CD81: variants seen among roughly 807,000 people sequenced by gnomAD.
CD81 encodes CD81 antigen.
In CD81, 10 loss-of-function variants were observed where a neutral mutation model predicts 30.1. The ratio of observed to expected loss-of-function variants is 0.33; its 90% CI spans 0.21 to 0.56. CD81 has a LOEUF of 0.56. Ranked by LOEUF, CD81 falls within the 20% of genes least tolerant of loss-of-function variation. CD81 has a pLI of 0.89. For synonymous variants in CD81, 147 were observed against 126.4 expected, an observed-to-expected ratio of 1.16 and a Z score of -1.10; for missense variants, 263 against 308.7, an observed-to-expected ratio of 0.85 and a Z score of 1.11.
chr11:2,385,489 G>A (rs1003424241), intron 1 of CD81, among the ~76,000 whole-genome samples: 3 of 151,418 alleles, frequency 2.0e-5, no homozygotes, highest in Non-Finnish European at 2.9e-5. Context: ...AGGCGCACCC[G>A]TGCCGTGGCC....
intron 1 of CD81, chr11:2,385,912 A>G (rs1849789318): frequency 1.5e-6 from 1 of 660,128 alleles, no homozygotes; most frequent in Admixed American, 2.1e-5. Flanking sequence ...TCTTGGGTAA[A>G]TACCTGTGCG....
chr11:2,394,945 C>T (rs1849969593), intron 3 of CD81, 27 bp from the exon 4 acceptor site: 5 of 1,608,380 alleles, frequency 3.1e-6, no homozygotes, highest in South Asian at 1.1e-5. Context: ...GCCCTCTTTC[C>T]TCCCTCTGGC....
intron 2 of CD81, chr11:2,393,596 C>T (rs1418576629): frequency 4.2e-6 from 2 of 478,194 alleles, no homozygotes; most frequent in Non-Finnish European, 7.6e-6. Context: ...TCTCGCACCA[C>T]ACTGGGGAGG....
intron 5 of CD81, 49 bp downstream of exon 5, chr11:2,395,569 C>T (rs371055890): frequency 7.3e-5 from 105 of 1,432,078 alleles, no homozygotes; most frequent in South Asian, 4.0e-4. Context: ...GGGAACCCGG[C>T]GGGGTGTGTC....
intron 1 of CD81, among the ~76,000 whole-genome samples, chr11:2,383,995 C>T (rs1233254126): frequency 6.6e-6 from 1 of 152,212 alleles, no homozygotes; most frequent in Non-Finnish European, 1.5e-5. Context: ...GGGAGCTGAC[C>T]TAGGCCTGCC....
intron 5 of CD81, 33 bp downstream of exon 5, chr11:2,395,553 G>A (rs1849983797): frequency 1.9e-6 from 3 of 1,552,088 alleles, no homozygotes; most frequent in Non-Finnish European, 2.7e-6. Flanking sequence ...CGGGGAGCAG[G>A]GCCCCGGGAA....
At chr11:2,392,490 C>T (rs1444524583) in intron 2 of CD81, 1 of 152,272 alleles carries the variant, frequency 6.6e-6, no homozygotes, top group African/African-American at 2.4e-5. Context: ...AGCCGCCCAC[C>T]CTCGGTCCTT....
rs573200069 is a variant in CD81, at chr11:2,394,200, A to G, written c.279+8A>G. On this transcript the variant is annotated splice_region_variant and intron_variant, in intron 3 of 7. Coordinates refer to ENST00000263645, the MANE Select transcript of CD81 (RefSeq NM_004356.4). Reference sequence around the variant, plus strand: ...CAGTGCCTGCTGGGGACGGTAAGGCAGGGAGGCGGGCCTGTGCCTGGGCCG... The same window carrying G: ...CAGTGCCTGCTGGGGACGGTAAGGCGGGGAGGCGGGCCTGTGCCTGGGCCG... 7.5e-6 allele frequency: 12 copies of G among 1,598,292 alleles called. No individual in the cohort carries two copies. The highest frequency in any genetic ancestry group is 2.7e-5 in the African/African-American group (2 of 74,682).
intron 1 of CD81, among the ~76,000 whole-genome samples, chr11:2,385,432 T>C (rs1849773879): frequency 6.6e-6 from 1 of 152,184 alleles, no homozygotes; most frequent in African/African-American, 2.4e-5. Flanking sequence ...AGAAGGCACT[T>C]GCACATCGTT....
intron 6 of CD81, 58 bp from the exon 7 acceptor site, chr11:2,396,570 C>T (rs369558875): frequency 5.9e-5 from 83 of 1,401,904 alleles, no homozygotes; most frequent in Non-Finnish European, 7.4e-5. Flanking sequence ...TGCGTGACAA[C>T]GGGAAGCCGG....
chr11:2,397,066 G>T lies in CD81; in HGVS notation c.*200G>T, dbSNP rs143793173. On this transcript the variant is annotated 3_prime_UTR_variant, in exon 8 of 8. Transcript: ENST00000263645. ...GGCTGACGTCACATGTAGGTGGCGTGTATGAGTGGAGACGGGCCTGGGTCT... is the reference window on the plus strand; with the variant it reads ...GGCTGACGTCACATGTAGGTGGCGTTTATGAGTGGAGACGGGCCTGGGTCT... 6 of 628,936 alleles carry T rather than the reference G, an allele frequency of 9.5e-6. No individual in the cohort carries two copies. The African/African-American group carries it at 1.1e-4, about 11-fold the overall frequency. The allele number at this position is 628,936 out of a possible 1,614,324, so 39.0% of individuals were successfully genotyped here.
chr11:2,388,438 CCCCTGCCCAA>C (rs202211972), intron 1 of CD81, among the ~76,000 whole-genome samples: 4,560 of 152,336 alleles, frequency 0.03, 242 homozygotes, highest in African/African-American at 0.1. Flanking sequence ...TGAGCACAGC[CCCCTGCCCAA>C]CCCCACCCTG....
chr11:2,389,192 G>T (rs1849851542), intron 1 of CD81, among the ~76,000 whole-genome samples: 1 of 152,164 alleles, frequency 6.6e-6, no homozygotes, highest in Admixed American at 6.5e-5. Flanking sequence ...GTCTGAAGGG[G>T]ACCCAGCCCC....
chr11:2,386,033 T>C (rs1002660128), intron 1 of CD81: 3 of 717,018 alleles, frequency 4.2e-6, no homozygotes, highest in South Asian at 1.5e-5. Flanking sequence ...GCCCCCGTTG[T>C]ATGCGTCCCA....
chr11:2,386,045 T>G (rs376740093), intron 1 of CD81: 6 of 717,178 alleles, frequency 8.4e-6, no homozygotes, highest in Non-Finnish European at 1.6e-5. Context: ...TGCGTCCCAG[T>G]TGCCTCCCCC....
chr11:2,394,318 C>T, intron 3 of CD81, 126 bp downstream of exon 3: 2 of 637,256 alleles, frequency 3.1e-6, no homozygotes, highest in Non-Finnish European at 5.5e-6. Flanking sequence ...GGCTCCTGTG[C>T]CCTGCTTTTC....
intron 1 of CD81, chr11:2,386,658 G>T: frequency 4.2e-6 from 3 of 715,032 alleles, no homozygotes; most frequent in Non-Finnish European, 7.8e-6. Flanking sequence ...TCTGCCCAGT[G>T]CCTGGCACTC....
Position 2,396,033 on chromosome 11 carries a change from A to G in CD81, c.561+63A>G, listed in dbSNP as rs997869262. On this transcript the variant is annotated intron_variant, in intron 6 of 7. Coordinates refer to ENST00000263645, the MANE Select transcript of CD81 (RefSeq NM_004356.4). ...ATGTCCCGCCCCTGGGTGGGGTCCT[A>G]GGGGTGGGCAGGTCACACGGCAGCC... 1.3e-5 allele frequency: 12 copies of G among 900,770 alleles called. No homozygotes were observed. In the African/African-American group the frequency reaches 1.7e-4, roughly 13 times the overall value. 55.8% of individuals were successfully genotyped at this position (900,770 alleles called of 1,614,324 possible). A position where few individuals can be genotyped will look rare whatever the true frequency, so the allele number is the denominator to read the frequency against.
At position 2,395,909 on chromosome 11, in the gene CD81, C is replaced by A; in HGVS notation, c.500C>A (p.Thr167Asn). ...TCCAGCACACTGACTGCTTTGACCA[C>A]CTCAGTGCTCAAGAACAATTTGTGT... ...CGSSTLTALT[T>N]SVLKNNLCPS... Residue 167 changes from threonine (T) to asparagine (N), a missense_variant, in exon 6 of 8, where the codon ACC (threonine) becomes AAC (asparagine). This residue lies in a region of CD81 where 176 missense variants were observed against 192.9 expected (regional missense o/e 0.91). Coordinates refer to ENST00000263645, the MANE Select transcript of CD81 (RefSeq NM_004356.4). The A allele has an allele frequency of 6.2e-7, 1 of 1,612,542 alleles. No homozygotes were observed. The highest frequency in any genetic ancestry group is 8.5e-7 in the Non-Finnish European group (1 of 1,179,784).
Sources: gnomAD v4.1 joint callset for allele counts (sites outside exome capture counted in the v4.1 genomes callset) on GRCh38, gnomAD v4.1.1 for gene constraint, gnomAD v4.1.1 regional missense constraint, MANE v1.5 for transcripts, NCBI Gene and HGNC (gene_info 2026-07-23, HGNC 2026-07-21) for gene names.